DNAAF2: variants seen among roughly 807,000 people sequenced by gnomAD.
The protein encoded by DNAAF2 is protein kintoun.
DNAAF2 carries 58 observed loss-of-function variants against 48.8 expected under a neutral mutation model. That is an observed-to-expected ratio of 1.19 (90% CI 0.96 to 1.48). The LOEUF (loss-of-function observed/expected upper bound fraction) is 1.48, where lower values mean the gene tolerates loss of function less well. Among genes scored for constraint, DNAAF2 ranks in the 40% most tolerant of loss-of-function variants. The pLI, the probability that DNAAF2 is intolerant of heterozygous loss-of-function variation, is 0.00. For missense variants in DNAAF2, 1,241 were observed against 1,116.1 expected (o/e 1.11, Z -1.59); for synonymous variants, 567 against 481.2 (o/e 1.18, Z -2.33).
In DNAAF2 at chr14:49,634,069, C is replaced by G; in HGVS notation, c.1081G>C (p.Val361Leu). The G allele has an allele frequency of 6.5e-7, 1 of 1,529,404 alleles. No homozygotes were observed. The highest frequency in any genetic ancestry group is 8.8e-7 in the Non-Finnish European group (1 of 1,141,080). The allele number at this position is 1,529,404 out of a possible 1,614,324, so 94.7% of individuals were successfully genotyped here. Reference sequence around the variant, plus strand: ...GACTCTTCCGGCGCGGCGGCGGCGACGGCGACAGCGGGCTCCCGGCGCGCG... The same window carrying G: ...GACTCTTCCGGCGCGGCGGCGGCGAGGGCGACAGCGGGCTCCCGGCGCGCG... ...PAARREPAVA[V>L]AAAAPEESAD... Residue 361 changes from valine (V) to leucine (L), a missense_variant, in exon 1 of 3, where the codon GTC becomes CTC. By Grantham distance (32) the Val-to-Leu change is conservative. Coordinates refer to ENST00000298292, the MANE Select transcript of DNAAF2 (RefSeq NM_018139.3).
Position 49,633,636 on chromosome 14 carries a change from C to T in DNAAF2, c.1514G>A (p.Arg505His). The T allele has an allele frequency of 6.2e-7, 1 of 1,612,976 alleles. No homozygotes were observed. Among genetic ancestry groups the T allele is most frequent in the Non-Finnish European group, 8.5e-7 (1 of 1,179,370 alleles). ...REESEGTGGQ[R>H]SACAMGGPGT... The stretch of plus-strand genomic sequence containing the variant: ...GGGACCACCCATGGCGCAGGCTGAG[C>T]GCTGGCCGCCCGTGCCCTCCGACTC... The change falls in exon 1 of 3, where the codon CGC becomes CAC. Residue 505 changes from arginine to histidine, a missense_variant. Transcript: ENST00000298292.
rs941380561 is a variant in DNAAF2 at position 49,633,415 on chromosome 14, T to C, written c.1735A>G (p.Lys579Glu). The change falls in exon 1 of 3, where the codon AAA becomes GAA. Residue 579 changes from lysine to glutamate, a missense_variant. By Grantham distance (56) the Lys-to-Glu change is moderately conservative (BLOSUM62 1). Transcript: ENST00000298292. ...ATCACAGGTTCTGTGGTACTCAATT[T>C]ATTCTCTGGAGCAAATTGCAAAAAG... ...SFFLQFAPEN[K>E]LSTTEPVISI... is the part of the protein sequence containing the mutation. 2 of 1,614,082 alleles carry C rather than the reference T, an allele frequency of 1.2e-6. No individual in the cohort carries two copies. Among genetic ancestry groups the C allele is most frequent in the Non-Finnish European group, 1.7e-6 (2 of 1,179,904 alleles).
chr14:49,628,253 T>A lies in DNAAF2; in HGVS notation c.1864-98A>T, dbSNP rs1484173286. The stretch of plus-strand genomic sequence containing the variant: ...ACAAAAATTCTCACATTGTTCAGGG[T>A]TACACTTTTTAAAATGTTTATTTTA... On this transcript the variant is annotated intron_variant, in intron 1 of 2. Coordinates refer to ENST00000298292, the MANE Select transcript of DNAAF2 (RefSeq NM_018139.3). The A allele has an allele frequency of 2.4e-5, 24 of 1,010,202 alleles. No homozygotes were observed. In the South Asian group the frequency reaches 4.0e-4, roughly 17 times the overall value. 62.6% of individuals were successfully genotyped at this position (1,010,202 alleles called of 1,614,324 possible). A position where few individuals can be genotyped will look rare whatever the true frequency, so the allele number is the denominator to read the frequency against.
chr14:49,629,242 C>A (rs1258182374), intron 1 of DNAAF2: 1 of 152,802 alleles, frequency 6.5e-6, no homozygotes, highest in Non-Finnish European at 1.5e-5. Flanking sequence ...GGATTACAGG[C>A]GTGAGCCACC....
chr14:49,628,530 C>T (rs1883070367), intron 1 of DNAAF2, among the ~76,000 whole-genome samples: 1 of 152,156 alleles, frequency 6.6e-6, no homozygotes, highest in Admixed American at 6.6e-5. Flanking sequence ...TCTCGGCTCA[C>T]TGCAACCTCC....
At chr14:49,631,523 G>A (rs945927893) in intron 1 of DNAAF2, among the ~76,000 whole-genome samples, 12 of 152,254 alleles carry the variant, frequency 7.9e-5, no homozygotes, top group Admixed American at 5.9e-4. Context: ...TACTCGGGAG[G>A]CTGAGGCAGG....
At chr14:49,627,842 G>C (rs1320536862) in intron 2 of DNAAF2, among the ~76,000 whole-genome samples, 170 bp downstream of exon 2, 1 of 149,048 alleles carries the variant, frequency 6.7e-6, no homozygotes, top group Non-Finnish European at 1.5e-5. Flanking sequence ...GTGACAGAGG[G>C]AGACTCCATC....
In DNAAF2 at chr14:49,634,561, C is replaced by CT. The variant is rs763047011; in HGVS notation, c.588dup (p.Glu197ArgfsTer18). ...AGGGGCGTGCGCAGCACCGCAGCCT[C>CT]TGGGGTCCCCTTATACTTGGCCTTC... On this transcript the variant is annotated frameshift_variant, in exon 1 of 3. Coordinates refer to ENST00000298292, the MANE Select transcript of DNAAF2 (RefSeq NM_018139.3). LOFTEE classifies it high-confidence loss of function. 2.5e-6 allele frequency: 4 copies of CT among 1,604,344 alleles called. No homozygotes were observed. In the East Asian group the frequency reaches 6.7e-5, roughly 27 times the overall value.
intron 1 of DNAAF2, among the ~76,000 whole-genome samples, chr14:49,629,115 C>T (rs1466309006): frequency 6.6e-6 from 1 of 151,972 alleles, no homozygotes; most frequent in Non-Finnish European, 1.5e-5. Context: ...GAACATGCCA[C>T]CACTCTCGGC....
chr14:49,633,901 C>T lies in DNAAF2; in HGVS notation c.1249G>A (p.Asp417Asn), dbSNP rs1883243223. The change falls in exon 1 of 3, where the codon GAC becomes AAC. Residue 417 changes from aspartate to asparagine, a missense_variant. Asp to Asn is a conservative substitution (Grantham distance 23, BLOSUM62 1). Coordinates refer to ENST00000298292, the MANE Select transcript of DNAAF2 (RefSeq NM_018139.3). ...AAGSGVTTLG[D>N]PEVAPPPAAA... ...GCCGGCGGAGGCGCCACCTCCGGGT[C>T]GCCCAGGGTGGTGACCCCGGAGCCC... 3.9e-6 allele frequency: 6 copies of T among 1,534,124 alleles called. No homozygotes were observed. Among genetic ancestry groups the T allele is most frequent in the Non-Finnish European group, 5.2e-6 (6 of 1,146,476 alleles).
intron 1 of DNAAF2, among the ~76,000 whole-genome samples, chr14:49,632,476 G>A (rs1883187858): frequency 6.8e-6 from 1 of 147,996 alleles, no homozygotes; most frequent in Admixed American, 6.8e-5. Context: ...ACAGAGTTTC[G>A]CTCTTGTTGC....
At chr14:49,630,698 CACAT>C (rs1467937582) in intron 1 of DNAAF2, among the ~76,000 whole-genome samples, 16 of 136,660 alleles carry the variant, frequency 1.2e-4, no homozygotes, top group East Asian at 6.0e-4. Context: ...CACACACACA[CACAT>C]AAACTCTCTA....
rs1883244412 is a variant in DNAAF2 at position 49,633,926 on chromosome 14, C to A, written c.1224G>T (p.Ala408=). The A allele has an allele frequency of 6.5e-7, 1 of 1,531,690 alleles. No homozygotes were observed. Among genetic ancestry groups the A allele is most frequent in the Non-Finnish European group, 8.7e-7 (1 of 1,145,148 alleles). 94.9% of individuals were successfully genotyped at this position (1,531,690 alleles called of 1,614,324 possible). A position where few individuals can be genotyped will look rare whatever the true frequency, so the allele number is the denominator to read the frequency against. ...GGHDTCVAGA[A]GSGVTTLGDP... ...CGCCCAGGGTGGTGACCCCGGAGCC[C>A]GCAGCCCCAGCCACGCAGGTATCGT... The change falls in exon 1 of 3, where the codon GCG becomes GCT. Residue 408 remains alanine (A), a synonymous_variant. Transcript: ENST00000298292.
chr14:49,635,039 G>A lies in DNAAF2; in HGVS notation c.111C>T (p.Ser37=). The A allele has an allele frequency of 6.3e-7, 1 of 1,580,934 alleles. No individual in the cohort carries two copies. The highest frequency in any genetic ancestry group is 2.3e-5 in the East Asian group (1 of 42,888). Residue 37 remains serine, a synonymous_variant, in exon 1 of 3, where the codon TCC becomes TCT. Transcript: ENST00000298292. ...FQDPEFRRMF[S]QYAEELTDPE... ...GGTCGGTGAGCTCCTCGGCGTACTG[G>A]GAGAACATTCGCCGGAACTCCGGGT... is the stretch of plus-strand genomic sequence containing the variant.
intron 2 of DNAAF2, among the ~76,000 whole-genome samples, chr14:49,626,557 G>A (rs1405936573): frequency 3.9e-5 from 6 of 152,002 alleles, no homozygotes; most frequent in Non-Finnish European, 7.4e-5. Flanking sequence ...TTGCTCTGTC[G>A]CCCAGGCTGG....
rs778838837 is a variant in DNAAF2 at position 49,634,237 on chromosome 14, T to C, written c.913A>G (p.Lys305Glu). The change falls in exon 1 of 3, where the codon AAG becomes GAG. Residue 305 changes from lysine (K) to glutamate (E), a missense_variant. By Grantham distance (56) the Lys-to-Glu change is moderately conservative. Transcript: ENST00000298292. ...AEQAALEVTRKLLCLDSRKPD... is the reference protein window; with the variant it reads ...AEQAALEVTRELLCLDSRKPD... ...TTCCTCGAGTCGAGGCACAGCAGCT[T>C]TCTCGTTACCTCCAGCGCCGCCTGC... The C allele has an allele frequency of 5.2e-5, 84 of 1,612,228 alleles. 3 individuals carry two copies. In the South Asian group the frequency reaches 8.8e-4, roughly 17 times the overall value.
chr14:49,634,818 C>A lies in DNAAF2; in HGVS notation c.332G>T (p.Arg111Leu). Reference protein sequence around the residue: ...PSSRPGSGGDRGAAPGSHWSL... With the variant: ...PSSRPGSGGDLGAAPGSHWSL... The stretch of plus-strand genomic sequence containing the variant: ...CCAGTGGCTGCCAGGAGCTGCGCCC[C>A]GGTCGCCACCGGAGCCGGGCCGGCT... The change falls in exon 1 of 3, where the codon CGG (arginine) becomes CTG (leucine). Residue 111 changes from arginine (R) to leucine (L), a missense_variant. Coordinates refer to ENST00000298292, the MANE Select transcript of DNAAF2 (RefSeq NM_018139.3). 6.5e-7 allele frequency: 1 copy of A among 1,547,820 alleles called. No individual in the cohort carries two copies.
rs1360483684 is a variant in DNAAF2, at chr14:49,633,532, C to T, written c.1618G>A (p.Val540Met). 4.3e-6 allele frequency: 7 copies of T among 1,613,916 alleles called. No individual in the cohort carries two copies. Among genetic ancestry groups the T allele is most frequent in the African/African-American group, 1.3e-5 (1 of 74,940 alleles). The change falls in exon 1 of 3, where the codon GTG becomes ATG. Residue 540 changes from valine to methionine, a missense_variant. Physicochemically the swap from Val to Met is conservative, Grantham distance 21. Transcript: ENST00000298292. ...AGACTTTGCGGCTGGATCCGAGGCA[C>T]CTGAATGAGCAGAGTCAAGGTTTCT... Reference protein sequence around the residue: ...DKETLTLLIQVPRIQPQSLQG... With the variant: ...DKETLTLLIQMPRIQPQSLQG...
In DNAAF2 at chr14:49,634,528, C is replaced by T. The variant is rs765953447; in HGVS notation, c.622G>A (p.Val208Ile). Residue 208 changes from valine (V) to isoleucine (I), a missense_variant, in exon 1 of 3, where the codon GTC (valine) becomes ATC (isoleucine). Transcript: ENST00000298292. ...AAVLRTPLPG[V>I]IPARPDGEPK... ...TCCCCGTCAGGCCTTGCGGGGATGA[C>T]CCCGGGCAGGGGCGTGCGCAGCACC... 2 of 1,601,848 alleles carry T rather than the reference C, an allele frequency of 1.2e-6. No homozygotes were observed. Among genetic ancestry groups the T allele is most frequent in the South Asian group, 1.1e-5 (1 of 91,020 alleles).
Sources: gnomAD v4.1 joint callset for allele counts (sites outside exome capture counted in the v4.1 genomes callset) on GRCh38, gnomAD v4.1.1 for gene constraint, MANE v1.5 for transcripts, NCBI Gene and HGNC (gene_info 2026-07-23, HGNC 2026-07-21) for gene names.